The following SCP2 variants were observed in gnomAD, a reference collection of about 807,000 sequenced individuals.
SCP2 encodes sterol carrier protein 2.
Under a neutral mutation model 71.4 loss-of-function variants are expected in SCP2, and 48 were observed. The ratio of observed to expected loss-of-function variants is 0.67; its 90% CI spans 0.53 to 0.86. The LOEUF (loss-of-function observed/expected upper bound fraction) is 0.86. SCP2 is among the 40% of genes least tolerant of loss of function. The pLI, the probability that SCP2 is intolerant of heterozygous loss-of-function variation, is 0.00. For missense variants in SCP2, 560 were observed against 655.6 expected (o/e 0.85, Z 1.59); for synonymous variants, 220 against 218.1 (o/e 1.01, Z -0.08).
Position 52,948,089 on chromosome 1 carries a change from T to C in SCP2, c.199+9T>C. ...TGTTGGCTATGTTTTTGGTATGTATTAAACTGTGTATTCTAAAATTTTTTT... is the reference window on the plus strand; with the variant it reads ...TGTTGGCTATGTTTTTGGTATGTATCAAACTGTGTATTCTAAAATTTTTTT... On this transcript the variant is annotated intron_variant, in intron 3 of 15. Transcript: ENST00000371514. The C allele has an allele frequency of 6.3e-7, 1 of 1,578,964 alleles. No homozygotes were observed. The highest frequency in any genetic ancestry group is 8.7e-7 in the Non-Finnish European group (1 of 1,148,064).
chr1:52,943,315 C>T (rs1354452818), intron 2 of SCP2, among the ~76,000 whole-genome samples: 3 of 151,816 alleles, frequency 2.0e-5, no homozygotes, highest in East Asian at 1.9e-4. Flanking sequence ...CTCCGCCTCC[C>T]GGGTTCACGC....
chr1:53,022,553 T>C (rs1351346603), intron 12 of SCP2, among the ~76,000 whole-genome samples: 1 of 152,208 alleles, frequency 6.6e-6, no homozygotes, highest in Non-Finnish European at 1.5e-5. Flanking sequence ...ATTTTAATTA[T>C]TGAGTTGTGA....
At chr1:53,027,123 T>C (rs1312323860) in intron 12 of SCP2, among the ~76,000 whole-genome samples, 1 of 152,030 alleles carries the variant, frequency 6.6e-6, no homozygotes, top group Non-Finnish European at 1.5e-5. Flanking sequence ...CTTATTTATT[T>C]AGAAATGGTC....
At chr1:52,990,811 T>A (rs1197754780) in intron 11 of SCP2, among the ~76,000 whole-genome samples, 1 of 148,544 alleles carries the variant, frequency 6.7e-6, no homozygotes, top group East Asian at 2.0e-4. Context: ...TGAGAGGGAA[T>A]GCTCAGTTAG....
At chr1:52,987,008 T>TATATATA (rs1410912982) in intron 10 of SCP2, among the ~76,000 whole-genome samples, 26 of 68,228 alleles carry the variant, frequency 3.8e-4, no homozygotes, top group African/African-American at 1.6e-3. Context: ...ATATATATAT[T>TATATATA]TTTTTTTTTT....
intron 1 of SCP2, among the ~76,000 whole-genome samples, chr1:52,939,001 CTATAAATT>C: frequency 6.6e-6 from 1 of 152,320 alleles, no homozygotes; most frequent in East Asian, 1.9e-4. Flanking sequence ...TTTACTGTCT[CTATAAATT>C]TTACCTTTTC....
At chr1:52,967,580 G>A (rs1015520624) in intron 6 of SCP2, among the ~76,000 whole-genome samples, 2 of 152,136 alleles carry the variant, frequency 1.3e-5, no homozygotes, top group Admixed American at 1.3e-4. Context: ...TTGGCTCACT[G>A]CAACCTCCAC....
intron 11 of SCP2, among the ~76,000 whole-genome samples, chr1:52,999,561 A>G (rs1466800458): frequency 6.6e-6 from 1 of 152,214 alleles, no homozygotes; most frequent in Admixed American, 6.5e-5. Context: ...TACCTGCCAT[A>G]ACAGTATCAA....
chr1:53,028,834 GGT>G (rs1662317371), intron 13 of SCP2, among the ~76,000 whole-genome samples: 1 of 152,104 alleles, frequency 6.6e-6, no homozygotes, highest in Non-Finnish European at 1.5e-5. Flanking sequence ...GGAGTGCAGT[GGT>G]ATGATCTTGG....
chr1:53,004,837 C>T (rs748849047), intron 11 of SCP2, among the ~76,000 whole-genome samples: 17 of 152,110 alleles, frequency 1.1e-4, no homozygotes, highest in Admixed American at 4.6e-4. Flanking sequence ...TTGCCTCACC[C>T]GGGAAGTGCA....
intron 15 of SCP2, chr1:53,048,830 T>C (rs904609924): frequency 6.6e-6 from 1 of 152,212 alleles, no homozygotes; most frequent in Non-Finnish European, 1.5e-5. Context: ...GTCAACTTGA[T>C]ATATACTGAG....
chr1:53,037,180 T>C (rs1663011023), intron 13 of SCP2, among the ~76,000 whole-genome samples: 1 of 146,708 alleles, frequency 6.8e-6, no homozygotes, highest in Admixed American at 6.6e-5. Flanking sequence ...TTATATTTTC[T>C]TCTTCTTGCT....
At chr1:53,047,462 GTTTATATAGTTGAATTCTGT>G (rs1215416330) in intron 14 of SCP2, among the ~76,000 whole-genome samples, 4 of 152,146 alleles carry the variant, frequency 2.6e-5, no homozygotes, top group African/African-American at 9.7e-5. Flanking sequence ...GTTTTTCTAT[GTTTATATAGTTGAATTCTGT>G]TTTAAGCAAA....
chr1:52,961,491 C>G lies in SCP2; in HGVS notation c.397-12C>G, dbSNP rs755341269. ...TGTCAGCTGCTTATGAAATTTTGTTCCCCCCTCTTAGTTTTCAGATAGAAC... is the reference window on the plus strand; with the variant it reads ...TGTCAGCTGCTTATGAAATTTTGTTGCCCCCTCTTAGTTTTCAGATAGAAC... On this transcript the variant is annotated splice_polypyrimidine_tract_variant and intron_variant, in intron 5 of 15. Coordinates refer to ENST00000371514, the MANE Select transcript of SCP2 (RefSeq NM_002979.5). The G allele has an allele frequency of 6.2e-7, 1 of 1,612,926 alleles. No homozygotes were observed. Among genetic ancestry groups the G allele is most frequent in the South Asian group, 1.1e-5 (1 of 91,002 alleles).
intron 8 of SCP2, among the ~76,000 whole-genome samples, chr1:52,977,067 C>A (rs1463158116): frequency 2.0e-5 from 3 of 152,132 alleles, no homozygotes; most frequent in African/African-American, 7.2e-5. Flanking sequence ...CCAGTGGAGC[C>A]CAAAGCATTT....
intron 14 of SCP2, among the ~76,000 whole-genome samples, chr1:53,046,426 G>A (rs1663824431): frequency 6.6e-6 from 1 of 151,322 alleles, no homozygotes; most frequent in African/African-American, 2.4e-5. Context: ...TTAATGAAGT[G>A]AAGCACTGTT....
At chr1:52,963,606 T>C (rs1346749594) in intron 6 of SCP2, 1 of 152,192 alleles carries the variant, frequency 6.6e-6, no homozygotes, top group Non-Finnish European at 1.5e-5. Context: ...TCTATTTCTG[T>C]CTCACTCAAA....
At chr1:52,931,675 G>A (rs751952793) in intron 1 of SCP2, among the ~76,000 whole-genome samples, 6 of 152,204 alleles carry the variant, frequency 3.9e-5, no homozygotes, top group Non-Finnish European at 5.9e-5. Flanking sequence ...AAGATCAGCA[G>A]TTGATAAGCT....
chr1:53,047,992 A>C (rs371192674), intron 15 of SCP2, 55 bp downstream of exon 15: 1 of 1,192,394 alleles, frequency 8.4e-7, no homozygotes, highest in Non-Finnish European at 1.3e-6. Context: ...AGCCCTTTCT[A>C]CTCCATCTCC....
Sources: gnomAD v4.1 joint callset for allele counts (sites outside exome capture counted in the v4.1 genomes callset) on GRCh38, gnomAD v4.1.1 for gene constraint, MANE v1.5 for transcripts, NCBI Gene and HGNC (gene_info 2026-07-23, HGNC 2026-07-21) for gene names.